NINJ2: variants seen among roughly 807,000 people sequenced by gnomAD.
The protein encoded by NINJ2 is ninjurin-2.
A neutral mutation model predicts 11.7 loss-of-function variants in NINJ2; 12 were observed. That is an observed-to-expected ratio of 1.02 (90% CI 0.66 to 1.66). The LOEUF is 1.66. Ranked by LOEUF, NINJ2 falls within the 40% of genes most tolerant of loss-of-function variation. NINJ2 has a pLI of 0.00. For missense variants in NINJ2, 187 were observed against 181.8 expected (o/e 1.03, Z -0.16); for synonymous variants, 93 against 76.8 (o/e 1.21, Z -1.10).
intron 1 of NINJ2, among the ~76,000 whole-genome samples, chr12:567,238 C>T (rs991153965): frequency 9.4e-5 from 14 of 149,496 alleles, no homozygotes; most frequent in Admixed American, 6.7e-4. Context: ...TGGGGAGAGA[C>T]GGATGGATTG....
At chr12:616,105 C>T (rs1948088217) in intron 1 of NINJ2, among the ~76,000 whole-genome samples, 1 of 152,172 alleles carries the variant, frequency 6.6e-6, no homozygotes, top group African/African-American at 2.4e-5. Context: ...TTCAAGGAAA[C>T]TTCTGAGTAT....
chr12:619,380 G>T (rs1565637810), intron 1 of NINJ2, among the ~76,000 whole-genome samples: 1 of 152,204 alleles, frequency 6.6e-6, no homozygotes, highest in Non-Finnish European at 1.5e-5. Context: ...AGAAAAATCA[G>T]TGTGGGCTCC....
chr12:592,478 A>G (rs989911121), intron 1 of NINJ2, among the ~76,000 whole-genome samples: 2 of 152,222 alleles, frequency 1.3e-5, no homozygotes, highest in African/African-American at 4.8e-5. Flanking sequence ...AGGCTGGCGG[A>G]TCACTTGAGG....
At chr12:582,703 T>A (rs1279992843) in intron 1 of NINJ2, among the ~76,000 whole-genome samples, 1 of 47,244 alleles carries the variant, frequency 2.1e-5, no homozygotes, top group African/African-American at 1.0e-4. Context: ...GCAGGCATGC[T>A]AGAGTGAATG....
chr12:653,555 T>C (rs1565649787), intron 1 of NINJ2, among the ~76,000 whole-genome samples: 1 of 152,072 alleles, frequency 6.6e-6, no homozygotes, highest in Non-Finnish European at 1.5e-5. Context: ...TATTTGAAAG[T>C]GCACTTGGAT....
chr12:566,285 A>G, intron 1 of NINJ2, 107 bp from the exon 2 acceptor site: 1 of 873,390 alleles, frequency 1.1e-6, no homozygotes, highest in South Asian at 1.7e-5. Context: ...TCCAGATGGG[A>G]AGCTCAGGGC....
intron 1 of NINJ2, among the ~76,000 whole-genome samples, chr12:631,951 A>T (rs1335310793): frequency 6.6e-6 from 1 of 152,070 alleles, no homozygotes; most frequent in East Asian, 1.9e-4. Flanking sequence ...AGTTTTTTTT[A>T]ATACTTCAAA....
intron 1 of NINJ2, among the ~76,000 whole-genome samples, chr12:569,822 G>A (rs1947352498): frequency 2.0e-5 from 3 of 152,242 alleles, no homozygotes; most frequent in African/African-American, 4.8e-5. Context: ...CTTAGGGGGT[G>A]CGCCTCATCC....
At chr12:646,235 A>C (rs948134450) in intron 1 of NINJ2, among the ~76,000 whole-genome samples, 1 of 152,118 alleles carries the variant, frequency 6.6e-6, no homozygotes, top group Non-Finnish European at 1.5e-5. Flanking sequence ...GCTACTCCAT[A>C]GCCCCCAGGA....
intron 1 of NINJ2, among the ~76,000 whole-genome samples, chr12:634,035 C>T (rs1948314161): frequency 6.6e-6 from 1 of 152,082 alleles, no homozygotes; most frequent in Admixed American, 6.6e-5. Flanking sequence ...ACATTCATTC[C>T]TGAATCTGAA....
chr12:629,544 G>A (rs1948245826), intron 1 of NINJ2, among the ~76,000 whole-genome samples: 1 of 152,150 alleles, frequency 6.6e-6, no homozygotes, highest in Admixed American at 6.5e-5. Flanking sequence ...GTGCAGCCCA[G>A]GACGGCTTTG....
chr12:566,519 G>A (rs529705037), intron 1 of NINJ2, among the ~76,000 whole-genome samples: 4 of 152,170 alleles, frequency 2.6e-5, no homozygotes, highest in Non-Finnish European at 5.9e-5. Flanking sequence ...CCTGGGCCAG[G>A]CCTCAGCTTT....
rs192419342 is a variant in NINJ2 at position 600,510 on chromosome 12, C to T, written c.34-34332G>A. On this transcript the variant is annotated intron_variant, in intron 1 of 3. Coordinates refer to ENST00000305108, the MANE Select transcript of NINJ2 (RefSeq NM_016533.6). ...GGCGGAGGTTGCAGTGAGCTGAGATCGAGCCACTGCACTCCAGCCTGGCAA... is the reference window on the plus strand; with the variant it reads ...GGCGGAGGTTGCAGTGAGCTGAGATTGAGCCACTGCACTCCAGCCTGGCAA... 2.7e-3 allele frequency among the ~76,000 whole-genome samples: 410 copies of T among 152,092 alleles called. 6 individuals are homozygous for T. Among genetic ancestry groups the T allele is most frequent in the African/African-American group, 9.0e-3 (375 of 41,482 alleles).
chr12:658,098 A>G (rs1199130571), intron 1 of NINJ2, among the ~76,000 whole-genome samples: 1 of 148,176 alleles, frequency 6.7e-6, no homozygotes, highest in Non-Finnish European at 1.5e-5. Context: ...TCCCGGGTTC[A>G]AGCGATTCTC....
chr12:570,178 G>T (rs1403946026), intron 1 of NINJ2, among the ~76,000 whole-genome samples: 1 of 152,244 alleles, frequency 6.6e-6, no homozygotes, highest in Non-Finnish European at 1.5e-5. Flanking sequence ...CCAGAAGGGA[G>T]GGGCCTCCAG....
chr12:606,844 C>T (rs1233866038), intron 1 of NINJ2, among the ~76,000 whole-genome samples: 1 of 152,112 alleles, frequency 6.6e-6, no homozygotes, highest in Non-Finnish European at 1.5e-5. Flanking sequence ...TGCTTTGGCA[C>T]TAAGCAGAAC....
chr12:643,820 T>G (rs1465843065), intron 1 of NINJ2: 1 of 312,564 alleles, frequency 3.2e-6, no homozygotes, highest in Non-Finnish European at 4.7e-6. Flanking sequence ...AATCTTGAGC[T>G]ACCAGCTCAT....
chr12:595,083 C>T (rs969077237), intron 1 of NINJ2, among the ~76,000 whole-genome samples: 1 of 151,870 alleles, frequency 6.6e-6, no homozygotes, highest in Non-Finnish European at 1.5e-5. Context: ...TACAATGTAG[C>T]AAAGATACTC....
intron 1 of NINJ2, among the ~76,000 whole-genome samples, chr12:606,643 G>A (rs951958819): frequency 5.3e-5 from 8 of 152,158 alleles, no homozygotes; most frequent in African/African-American, 1.7e-4. Flanking sequence ...AATGGCACTC[G>A]ATGTCACAGC....
Sources: allele counts gnomAD v4.1 joint callset (sites outside exome capture counted in the v4.1 genomes callset), GRCh38; gene constraint gnomAD v4.1.1; transcripts MANE v1.5; gene names NCBI Gene and HGNC (gene_info 2026-07-23, HGNC 2026-07-21).